Variants in TTC28 observed in about 807,000 individuals in gnomAD.
The protein encoded by TTC28 is tetratricopeptide repeat protein 28.
In TTC28, 61 loss-of-function variants were observed where a neutral mutation model predicts 198.0. The observed-to-expected ratio is 0.31, with a 90% confidence interval of 0.25 to 0.38. The LOEUF (loss-of-function observed/expected upper bound fraction) is 0.38. TTC28 is among the 10% of genes least tolerant of loss of function. TTC28 has a pLI of 1.00. For missense variants in TTC28, 2,678 were observed against 3,164.0 expected, an observed-to-expected ratio of 0.85 and a Z score of 3.69; for synonymous variants, 1,171 against 1,297.8, an observed-to-expected ratio of 0.90 and a Z score of 2.10.
intron 5 of TTC28, among the ~76,000 whole-genome samples, chr22:28,289,270 T>C: frequency 6.6e-6 from 1 of 152,102 alleles, no homozygotes; most frequent in East Asian, 1.9e-4. Context: ...GTAGAGAGTA[T>C]GAAGCTCAAG....
intron 2 of TTC28, among the ~76,000 whole-genome samples, chr22:28,387,256 G>A (rs1251565110): frequency 6.6e-6 from 1 of 152,150 alleles, no homozygotes; most frequent in Admixed American, 6.5e-5. Context: ...TTGGACATTT[G>A]GGTTGGTTCC....
rs186524995 is a variant in TTC28, at chr22:28,483,950, T to C, written c.381+145602A>G. Among the ~76,000 whole-genome samples the C allele has an allele frequency of 2.6e-5, 4 of 152,272 alleles. No homozygotes were observed. The East Asian group carries it at 5.8e-4, about 22-fold the overall frequency. ...GAGTATATACTGCTTTAAAACAGAA[T>C]TGTTAAGTAGGTAAGAGGGTTGCAT... On this transcript the variant is annotated intron_variant, in intron 2 of 22. Transcript: ENST00000397906.
Position 27,982,886 on chromosome 22 carries a change from C to A in TTC28, c.6781G>T (p.Asp2261Tyr). The A allele has an allele frequency of 1.3e-6, 2 of 1,551,182 alleles. No homozygotes were observed. Among genetic ancestry groups the A allele is most frequent in the Non-Finnish European group, 1.7e-6 (2 of 1,146,692 alleles). The stretch of plus-strand genomic sequence containing the variant: ...CGGCCACTGTGCTGGCTCGGGCTGT[C>A]TTTGATGGACATCTCTGAGGTGGTG... Reference protein sequence around the residue: ...SPTTSEMSIKDSPSQHSGRPS... With the variant: ...SPTTSEMSIKYSPSQHSGRPS... Residue 2261 changes from aspartate (D) to tyrosine (Y), a missense_variant, in exon 23 of 23, where the codon GAC (aspartate) becomes TAC (tyrosine). Physicochemically the swap from Asp to Tyr is radical, Grantham distance 160 (BLOSUM62 -3). Around this residue, in one of 8 missense-constraint regions of TTC28, gnomAD observed 622 missense variants for 656.0 expected, o/e 0.95. Transcript: ENST00000397906. This position sits in a 1 kb window ranked among gnomAD's most constrained non-coding sequence, Gnocchi z 5.2.
rs1936969937 is a variant in TTC28 at position 27,980,361 on chromosome 22, G to A, written c.*1860C>T. 1 of 152,200 alleles carries A rather than the reference G, an allele frequency of 6.6e-6. No homozygotes were observed. The highest frequency in any genetic ancestry group is 2.4e-5 in the African/African-American group (1 of 41,448). 9.4% of individuals were successfully genotyped at this position (152,200 alleles called of 1,614,324 possible). ...CTTTATAAAGTACTTCGCTTTCAGT[G>A]TTGGGATCAGGGCTAGAATAAGACA... On this transcript the variant is annotated 3_prime_UTR_variant, in exon 23 of 23. Transcript: ENST00000397906.
chr22:28,503,229 A>G (rs1209091434), intron 2 of TTC28, among the ~76,000 whole-genome samples: 2 of 152,140 alleles, frequency 1.3e-5, no homozygotes, highest in East Asian at 3.9e-4. Context: ...CTCAGATGAA[A>G]TATTTCCTCA....
At chr22:28,262,382 A>T (rs1931383985) in intron 5 of TTC28, among the ~76,000 whole-genome samples, 1 of 152,154 alleles carries the variant, frequency 6.6e-6, no homozygotes, top group South Asian at 2.1e-4. Flanking sequence ...AATAGTTCGG[A>T]GTTGCTAATC....
intron 2 of TTC28, among the ~76,000 whole-genome samples, chr22:28,578,136 T>G (rs1156533979): frequency 2.6e-5 from 4 of 152,076 alleles, no homozygotes; most frequent in Admixed American, 2.6e-4. Flanking sequence ...CTACTGTATA[T>G]TTTTTTATTT....
chr22:28,249,003 T>C (rs907935306), intron 5 of TTC28, among the ~76,000 whole-genome samples: 3 of 152,196 alleles, frequency 2.0e-5, no homozygotes, highest in African/African-American at 7.2e-5. Flanking sequence ...CATTAATTCC[T>C]TAATCCTCCA....
chr22:28,554,388 G>C (rs1397149205), intron 2 of TTC28, among the ~76,000 whole-genome samples: 1 of 135,036 alleles, frequency 7.4e-6, no homozygotes, highest in East Asian at 2.1e-4. Context: ...AAAAAAAAAA[G>C]ATGAATCAAA....
At chr22:28,442,706 A>G (rs1342326198) in intron 2 of TTC28, among the ~76,000 whole-genome samples, 1 of 152,238 alleles carries the variant, frequency 6.6e-6, no homozygotes, top group Admixed American at 6.5e-5. Flanking sequence ...CAGTGGATGC[A>G]GACCAGATTT....
intron 2 of TTC28, among the ~76,000 whole-genome samples, chr22:28,572,097 G>C (rs1357538141): frequency 6.6e-6 from 1 of 151,874 alleles, no homozygotes; most frequent in Non-Finnish European, 1.5e-5. Context: ...ACTTTGGGAG[G>C]TTGAGGAAGG....
intron 5 of TTC28, among the ~76,000 whole-genome samples, chr22:28,276,069 T>C (rs1404753476): frequency 1.3e-5 from 2 of 151,964 alleles, no homozygotes; most frequent in Non-Finnish European, 2.9e-5. Flanking sequence ...TGGAGTGCAG[T>C]GACTTGATCT....
At chr22:28,244,745 T>A (rs1929956808) in intron 5 of TTC28, among the ~76,000 whole-genome samples, 1 of 152,244 alleles carries the variant, frequency 6.6e-6, no homozygotes, top group African/African-American at 2.4e-5. Context: ...CATCTAAATT[T>A]TCTTGCTCAT....
chr22:28,326,975 A>ACACACACAC (rs2045541028), intron 2 of TTC28, among the ~76,000 whole-genome samples: 1 of 142,842 alleles, frequency 7.0e-6, no homozygotes, highest in African/African-American at 2.7e-5. Flanking sequence ...CACAAACACA[A>ACACACACAC]ACACACACAC....
In TTC28 at chr22:27,992,673, GA is replaced by G. The variant is rs931984699; in HGVS notation, c.5477-11del. 2.3e-5 allele frequency: 35 copies of G among 1,545,742 alleles called. No homozygotes were observed. The highest frequency in any genetic ancestry group is 8.2e-5 in the Admixed American group (4 of 48,890). On this transcript the variant is annotated splice_polypyrimidine_tract_variant and intron_variant, in intron 18 of 22. Transcript: ENST00000397906. ...GCAGGATTGGGCAGACCTAAACCAA[GA>G]AAAAAGGGTAGAAGTTATTCAGAAG...
At chr22:28,385,004 G>A (rs1315099939) in intron 2 of TTC28, among the ~76,000 whole-genome samples, 1 of 151,654 alleles carries the variant, frequency 6.6e-6, no homozygotes, top group African/African-American at 2.4e-5. Flanking sequence ...AGCTGGGCAT[G>A]GTGGCATGCG....
intron 5 of TTC28, among the ~76,000 whole-genome samples, chr22:28,256,357 G>T (rs1930918099): frequency 6.7e-6 from 1 of 150,036 alleles, no homozygotes; most frequent in Admixed American, 6.7e-5. Context: ...GGAGGCAGAG[G>T]TTGCAGTGAG....
intron 6 of TTC28, among the ~76,000 whole-genome samples, chr22:28,159,552 G>A (rs956810596): frequency 2.0e-5 from 3 of 151,982 alleles, no homozygotes; most frequent in South Asian, 2.1e-4. Context: ...CCAGCTACCC[G>A]GGAGGCTAAG....
At chr22:28,378,423 G>A (rs951847541) in intron 2 of TTC28, among the ~76,000 whole-genome samples, 10 of 151,714 alleles carry the variant, frequency 6.6e-5, no homozygotes, top group African/African-American at 2.4e-4. Flanking sequence ...CACTATGGGA[G>A]GCCAAGGTGG....
Sources: allele counts gnomAD v4.1 joint callset (sites outside exome capture counted in the v4.1 genomes callset), GRCh38; gene constraint gnomAD v4.1.1; regional missense constraint gnomAD v4.1.1; non-coding constraint Gnocchi (gnomAD v3.1); transcripts MANE v1.5; gene names NCBI Gene and HGNC (gene_info 2026-07-23, HGNC 2026-07-21).